Variants in SNX1 observed in about 807,000 individuals in gnomAD.
SNX1 encodes the protein sorting nexin-1.
Under a neutral mutation model 71.8 loss-of-function variants are expected in SNX1, and 36 were observed. That is an observed-to-expected ratio of 0.50 (90% CI 0.38 to 0.66). The LOEUF is 0.66. SNX1 is among the 30% of genes least tolerant of loss of function. The pLI is 0.00. For synonymous variants in SNX1, 254 were observed against 240.7 expected (o/e 1.06, Z -0.51); for missense variants, 612 against 646.7 (o/e 0.95, Z 0.58).
chr15:64,112,533 TC>T, intron 1 of SNX1, 39 bp from the exon 2 acceptor site: 1 of 1,439,706 alleles, frequency 6.9e-7, no homozygotes, highest in South Asian at 1.3e-5. Flanking sequence ...GGTTTGTTTT[TC>T]ATGGTAATGT....
rs1326473590 is a variant in SNX1, at chr15:64,097,051, A to G, written c.159+879A>G. Among the ~76,000 whole-genome samples the G allele has an allele frequency of 2.6e-5, 4 of 152,382 alleles. No individual in the cohort carries two copies. The East Asian group carries it at 5.8e-4, about 22-fold the overall frequency. On this transcript the variant is annotated intron_variant, in intron 1 of 14. Coordinates refer to ENST00000559844, the MANE Select transcript of SNX1 (RefSeq NM_003099.5). ...GCCGGAGCAAGGGGCTCAAGAGCCC[A>G]CTTACAAAGTTTTCTGGATTTTAAG...
intron 14 of SNX1, 60 bp downstream of exon 14, chr15:64,136,992 C>T: frequency 7.3e-7 from 1 of 1,376,404 alleles, no homozygotes; most frequent in South Asian, 1.2e-5. Flanking sequence ...CAGCTGCCTC[C>T]TCGGGGCTTC....
In SNX1 at chr15:64,134,528, G is replaced by A. The variant is rs1175103949; in HGVS notation, c.1222-136G>A. 5.1e-6 allele frequency: 5 copies of A among 988,948 alleles called. No individual in the cohort carries two copies. Among genetic ancestry groups the A allele is most frequent in the East Asian group, 5.3e-5 (2 of 37,468 alleles). The allele number at this position is 988,948 out of a possible 1,614,324, so 61.3% of individuals were successfully genotyped here. ...CCTAGACATTAAACTTCCCAGCTGG[G>A]CACTAACATGTGGCTGCAGAACCTG... On this transcript the variant is annotated intron_variant, in intron 11 of 14. Transcript: ENST00000559844. This position sits in a 1 kb window ranked among gnomAD's most constrained non-coding sequence, Gnocchi z 4.1.
At chr15:64,115,359 GT>G (rs1205909074) in intron 2 of SNX1, among the ~76,000 whole-genome samples, 2 of 152,154 alleles carry the variant, frequency 1.3e-5, no homozygotes, top group Admixed American at 1.3e-4. Context: ...CTTCTCAGTT[GT>G]TTTAGGTATT....
rs1465177233 is a variant in SNX1, at chr15:64,141,812, G to A, written c.*4194G>A. ...GCTTATCCCTACCCTCAGGAGAGCT[G>A]AAAAGGGCAGGTATGGTGGGGCCAG... On this transcript the variant is annotated 3_prime_UTR_variant, in exon 15 of 15. Transcript: ENST00000559844. The surrounding 1 kb of genome is among the most constrained non-coding windows in gnomAD (Gnocchi z 5.1). The A allele has an allele frequency of 2.0e-5, 3 of 152,420 alleles. No individual in the cohort carries two copies. The highest frequency in any genetic ancestry group is 2.9e-5 in the Non-Finnish European group (2 of 68,190). The allele number at this position is 152,420 out of a possible 1,614,324, so 9.4% of individuals were successfully genotyped here.
Position 64,136,190 on chromosome 15 carries a change from G to A in SNX1, c.1366-140G>A, listed in dbSNP as rs560269397. 2.2e-5 allele frequency: 15 copies of A among 678,408 alleles called. No homozygotes were observed. The African/African-American group carries it at 2.5e-4, about 11-fold the overall frequency. 42.0% of individuals were successfully genotyped at this position (678,408 alleles called of 1,614,324 possible). A position where few individuals can be genotyped will look rare whatever the true frequency, so the allele number is the denominator to read the frequency against. On this transcript the variant is annotated intron_variant, in intron 12 of 14. Transcript: ENST00000559844. ...CTCTGACTTACGTGTGGAATCCTCT[G>A]TGACACCTCATCTTACCCACAGGGA... is the stretch of plus-strand genomic sequence containing the variant.
chr15:64,131,338 T>C lies in SNX1; in HGVS notation c.1016-349T>C, dbSNP rs191870849. On this transcript the variant is annotated intron_variant, in intron 10 of 14. Coordinates refer to ENST00000559844, the MANE Select transcript of SNX1 (RefSeq NM_003099.5). ...ACTCTTCTCTCTTGTACAGAGAGGCTACCACTCATGAGCTTCAACATAAAT... is the reference window on the plus strand; with the variant it reads ...ACTCTTCTCTCTTGTACAGAGAGGCCACCACTCATGAGCTTCAACATAAAT... Among the ~76,000 whole-genome samples, 299 of 152,350 alleles carry C rather than the reference T, an allele frequency of 2.0e-3. 4 individuals are homozygous for C. The highest frequency in any genetic ancestry group is 0.017 in the Admixed American group (264 of 15,298).
Position 64,138,281 on chromosome 15 carries a change from T to A in SNX1, c.*663T>A. ...TTAAAATAAGAGGAGCAAAATCTATTAAAACCTATTCTCCTGCAAAGGAGG... is the reference window on the plus strand; with the variant it reads ...TTAAAATAAGAGGAGCAAAATCTATAAAAACCTATTCTCCTGCAAAGGAGG... On this transcript the variant is annotated 3_prime_UTR_variant, in exon 15 of 15. Coordinates refer to ENST00000559844, the MANE Select transcript of SNX1 (RefSeq NM_003099.5). The A allele has an allele frequency of 1.6e-6, 2 of 1,285,470 alleles. No individual in the cohort carries two copies. Among genetic ancestry groups the A allele is most frequent in the Non-Finnish European group, 2.1e-6 (2 of 974,808 alleles). 79.6% of individuals were successfully genotyped at this position (1,285,470 alleles called of 1,614,324 possible). A position where few individuals can be genotyped will look rare whatever the true frequency, so the allele number is the denominator to read the frequency against.
At chr15:64,109,099 A>G (rs1188322785) in intron 1 of SNX1, among the ~76,000 whole-genome samples, 2 of 152,092 alleles carry the variant, frequency 1.3e-5, no homozygotes, top group Non-Finnish European at 2.9e-5. Flanking sequence ...GGGTAGGCGC[A>G]GTGGCTCATG....
chr15:64,118,764 A>G (rs748285694), intron 3 of SNX1, 24 bp from the exon 4 acceptor site: 3 of 1,592,352 alleles, frequency 1.9e-6, no homozygotes, highest in Non-Finnish European at 2.6e-6. Context: ...ATCAACTCTC[A>G]TGATTTGTCT....
At chr15:64,120,677 CA>C (rs1173903463) in intron 4 of SNX1, among the ~76,000 whole-genome samples, 1 of 151,720 alleles carries the variant, frequency 6.6e-6, no homozygotes, top group African/African-American at 2.4e-5. Context: ...CCTGTCTCTA[CA>C]AAAAAATAAA....
chr15:64,120,784 T>A (rs556890526), intron 4 of SNX1, among the ~76,000 whole-genome samples: 9 of 152,288 alleles, frequency 5.9e-5, no homozygotes, highest in African/African-American at 2.2e-4. Flanking sequence ...AAGGCTGCAG[T>A]GAGCTGAGGT....
intron 5 of SNX1, among the ~76,000 whole-genome samples, 176 bp downstream of exon 5, chr15:64,123,722 G>C (rs1299680963): frequency 6.6e-6 from 1 of 152,152 alleles, no homozygotes; most frequent in Non-Finnish European, 1.5e-5. Context: ...ACTCCAGACT[G>C]AGTCTTTTTA....
intron 12 of SNX1, 87 bp from the exon 13 acceptor site, chr15:64,136,243 C>T (rs774035704): frequency 1.0e-6 from 1 of 997,080 alleles, no homozygotes; most frequent in East Asian, 2.4e-5. Context: ...CAATTGAGCC[C>T]TCATATGTAA....
chr15:64,132,256 G>A (rs755704589), intron 11 of SNX1: 24 of 268,398 alleles, frequency 8.9e-5, no homozygotes, highest in Non-Finnish European at 1.8e-4. Context: ...GACTTCCTCA[G>A]TCCTTTGGTC....
rs2081374137 is a variant in SNX1, at chr15:64,137,741, C to T, written c.*123C>T. 3.3e-6 allele frequency: 5 copies of T among 1,522,598 alleles called. No homozygotes were observed. In the South Asian group the frequency reaches 6.1e-5, roughly 19 times the overall value. The allele number at this position is 1,522,598 out of a possible 1,614,324, so 94.3% of individuals were successfully genotyped here. On this transcript the variant is annotated 3_prime_UTR_variant, in exon 15 of 15. Transcript: ENST00000559844. ...CTGGACTTAACCCCTTCCTCCCTGT[C>T]CCCACGACCAACTGTCCCCAGTTAC...
At chr15:64,125,078 C>T (rs911351466) in intron 5 of SNX1, among the ~76,000 whole-genome samples, 1 of 152,178 alleles carries the variant, frequency 6.6e-6, no homozygotes, top group East Asian at 1.9e-4. Flanking sequence ...ATCCAATTCC[C>T]ACCCTGCTCA....
chr15:64,096,304 G>A, intron 1 of SNX1, 132 bp downstream of exon 1: 1 of 1,100,368 alleles, frequency 9.1e-7, no homozygotes, highest in East Asian at 2.8e-5. Flanking sequence ...TCCGGGCCCC[G>A]GGGACCCTGG....
chr15:64,127,802 A>G lies in SNX1; in HGVS notation c.803A>G (p.Glu268Gly). The change falls in exon 8 of 15, where the codon GAA becomes GGA. Residue 268 changes from glutamate (E) to glycine (G), a missense_variant. By Grantham distance (98) the Glu-to-Gly change is moderately conservative. Around this residue, in one of 2 missense-constraint regions of SNX1, gnomAD observed 296 missense variants for 361.9 expected, o/e 0.82. Coordinates refer to ENST00000559844, the MANE Select transcript of SNX1 (RefSeq NM_003099.5). ...DPDVREFLEK[E>G]ELPRAVGTQT... ...GACGTCAGAGAGTTCTTGGAAAAAG[A>G]AGAGGTTAGTATTCAGTGCAAACTG... 6.2e-7 allele frequency: 1 copy of G among 1,612,870 alleles called. No individual in the cohort carries two copies. The highest frequency in any genetic ancestry group is 8.5e-7 in the Non-Finnish European group (1 of 1,178,834).
Sources: allele counts gnomAD v4.1 joint callset (sites outside exome capture counted in the v4.1 genomes callset), GRCh38; gene constraint gnomAD v4.1.1; regional missense constraint gnomAD v4.1.1; non-coding constraint Gnocchi (gnomAD v3.1); transcripts MANE v1.5; gene names NCBI Gene and HGNC (gene_info 2026-07-23, HGNC 2026-07-21).